Variants in AKR1E2 observed in about 807,000 individuals in gnomAD.
AKR1E2 encodes the protein 1,5-anhydro-D-fructose reductase.
A neutral mutation model predicts 41.9 loss-of-function variants in AKR1E2; 43 were observed. That is an observed-to-expected ratio of 1.03 (90% CI 0.80 to 1.32). AKR1E2 has a LOEUF of 1.32. AKR1E2 is among the 40% of genes most tolerant of loss of function. The pLI, the probability that AKR1E2 is intolerant of heterozygous loss-of-function variation, is 0.00. For synonymous variants in AKR1E2, 121 were observed against 138.9 expected (o/e 0.87, Z 0.91); for missense variants, 423 against 396.5 (o/e 1.07, Z -0.57).
chr10:4,830,905 T>C, intron 2 of AKR1E2, 63 bp downstream of exon 2: 1 of 1,588,668 alleles, frequency 6.3e-7, no homozygotes, highest in Non-Finnish European at 8.6e-7. Flanking sequence ...GAGGGCTTTC[T>C]ACTTTCTTTA....
the AKR1E2 span, among the ~76,000 whole-genome samples, chr10:4,860,468 A>C: frequency 3.3e-5 from 5 of 152,186 alleles, no homozygotes; most frequent in African/African-American, 4.8e-5. Flanking sequence ...TTTATGACCA[A>C]GGACAGCATT....
Position 4,837,581 on chromosome 10 carries a change from G to A in AKR1E2, c.582G>A (p.Gln194=). The A allele has an allele frequency of 6.2e-7, 1 of 1,612,790 alleles. No homozygotes were observed. Among genetic ancestry groups the A allele is most frequent in the Non-Finnish European group, 8.5e-7 (1 of 1,178,994 alleles). Residue 194 remains glutamine, a splice_region_variant and synonymous_variant, in exon 5 of 10, where the codon CAG becomes CAA. Coordinates refer to ENST00000298375, the MANE Select transcript of AKR1E2 (RefSeq NM_001040177.3). Reference sequence around the variant, plus strand: ...TGAGGTTCAAGCCACTAACCAACCAGGTAAGCCGATGGAAGCATCAGAGAG... The same window carrying A: ...TGAGGTTCAAGCCACTAACCAACCAAGTAAGCCGATGGAAGCATCAGAGAG... ...PGLRFKPLTN[Q]IECHPYLTQK... is the part of the protein sequence containing the mutation.
chr10:4,845,828 C>T (rs1834292686), intron 8 of AKR1E2: 4 of 470,944 alleles, frequency 8.5e-6, no homozygotes, highest in South Asian at 4.6e-5. Context: ...GAGACAGGAC[C>T]AGGCTGACGT....
the AKR1E2 span, among the ~76,000 whole-genome samples, chr10:4,868,241 C>T: frequency 6.6e-6 from 1 of 152,078 alleles, no homozygotes; most frequent in Non-Finnish European, 1.5e-5. Context: ...CTGAGCTGAT[C>T]CTGACTGGAT....
intron 5 of AKR1E2, among the ~76,000 whole-genome samples, 166 bp from the exon 6 acceptor site, chr10:4,839,563 T>G (rs1236948088): frequency 5.3e-5 from 8 of 152,192 alleles, no homozygotes; most frequent in Admixed American, 2.6e-4. Flanking sequence ...TGCTGGCCTC[T>G]TGGAGATTGC....
chr10:4,839,865 TG>T (rs1833735980), intron 6 of AKR1E2, 39 bp downstream of exon 6: 9 of 1,562,290 alleles, frequency 5.8e-6, no homozygotes, highest in Non-Finnish European at 7.9e-6. Context: ...AGAGTCCGAC[TG>T]GGAAGTAGAT....
At chr10:4,832,759 C>T (rs1833073654) in intron 2 of AKR1E2, among the ~76,000 whole-genome samples, 1 of 152,010 alleles carries the variant, frequency 6.6e-6, no homozygotes, top group Non-Finnish European at 1.5e-5. Context: ...TTTTACTTTA[C>T]TTTCATGTTT....
the AKR1E2 span, among the ~76,000 whole-genome samples, chr10:4,856,635 T>C: frequency 6.6e-6 from 1 of 152,334 alleles, no homozygotes; most frequent in East Asian, 1.9e-4. Flanking sequence ...TCAGGTGTGT[T>C]TGTATAAATG....
At chr10:4,872,337 A>C in the AKR1E2 span, among the ~76,000 whole-genome samples, 1 of 152,174 alleles carries the variant, frequency 6.6e-6, no homozygotes, top group Non-Finnish European at 1.5e-5. Flanking sequence ...AAGGTGATAA[A>C]ATTATTACTG....
rs1402862728 is a variant in AKR1E2, at chr10:4,826,218, C to T, written c.-107C>T. The T allele has an allele frequency of 1.4e-5, 13 of 917,948 alleles. No homozygotes were observed. Among genetic ancestry groups the T allele is most frequent in the African/African-American group, 6.8e-5 (4 of 58,562 alleles). 56.9% of individuals were successfully genotyped at this position (917,948 alleles called of 1,614,324 possible). Reference sequence around the variant, plus strand: ...TCGGAGTGTCAGCCGTCACAAGGCACTTCCAGCCAGTCGCAACGGCGGGTC... The same window carrying T: ...TCGGAGTGTCAGCCGTCACAAGGCATTTCCAGCCAGTCGCAACGGCGGGTC... On this transcript the variant is annotated 5_prime_UTR_variant, in exon 1 of 10. Transcript: ENST00000298375.
chr10:4,827,389 A>C (rs940945392), intron 1 of AKR1E2, among the ~76,000 whole-genome samples: 2 of 149,868 alleles, frequency 1.3e-5, no homozygotes, highest in African/African-American at 4.9e-5. Flanking sequence ...TTGGCATCCT[A>C]GTGCGCAGTA....
At chr10:4,845,288 G>A (rs189680318) in intron 8 of AKR1E2, among the ~76,000 whole-genome samples, 99 of 152,262 alleles carry the variant, frequency 6.5e-4, no homozygotes, top group Non-Finnish European at 1.1e-3. Context: ...GATTCCCACC[G>A]GCGTCTCTCC....
intron 1 of AKR1E2, among the ~76,000 whole-genome samples, chr10:4,829,502 A>G (rs1832799825): frequency 6.6e-6 from 1 of 152,180 alleles, no homozygotes; most frequent in Non-Finnish European, 1.5e-5. Context: ...ATGAGTTGAG[A>G]TAAGTCCGTC....
At chr10:4,830,904 CTA>C in intron 2 of AKR1E2, 62 bp downstream of exon 2, 2 of 1,591,454 alleles carry the variant, frequency 1.3e-6, no homozygotes, top group Non-Finnish European at 8.6e-7. Context: ...GGAGGGCTTT[CTA>C]CTTTCTTTAT....
At chr10:4,862,157 A>G in the AKR1E2 span, among the ~76,000 whole-genome samples, 1 of 152,194 alleles carries the variant, frequency 6.6e-6, no homozygotes, top group South Asian at 2.1e-4. Flanking sequence ...ATGGCTAGCC[A>G]GTTTTCCCAG....
At chr10:4,868,134 C>A in the AKR1E2 span, among the ~76,000 whole-genome samples, 3 of 152,184 alleles carry the variant, frequency 2.0e-5, no homozygotes, top group African/African-American at 7.2e-5. Flanking sequence ...CTGTAAGATT[C>A]TCCACTATCA....
intron 1 of AKR1E2, among the ~76,000 whole-genome samples, chr10:4,830,053 C>T (rs79338207): frequency 0.032 from 4,850 of 152,210 alleles, 77 homozygotes; most frequent in East Asian, 0.074. Flanking sequence ...CTAGGGTTAC[C>T]GTGAAGCTCC....
intron 8 of AKR1E2, among the ~76,000 whole-genome samples, chr10:4,846,543 G>A (rs1306262480): frequency 6.6e-6 from 1 of 151,078 alleles, no homozygotes; most frequent in Non-Finnish European, 1.5e-5. Context: ...AAAATTCTGT[G>A]CCATCCTTTT....
intron 5 of AKR1E2, 45 bp downstream of exon 5, chr10:4,837,626 C>A: frequency 6.3e-7 from 1 of 1,587,100 alleles, no homozygotes; most frequent in South Asian, 1.1e-5. Flanking sequence ...TGTGGCTGGT[C>A]CCCCAGCTGC....
Sources: allele counts gnomAD v4.1 joint callset (sites outside exome capture counted in the v4.1 genomes callset), GRCh38; gene constraint gnomAD v4.1.1; transcripts MANE v1.5; gene names NCBI Gene and HGNC (gene_info 2026-07-23, HGNC 2026-07-21).